Variants in CREM observed in about 807,000 individuals in gnomAD.
CREM encodes cAMP responsive element modulator, also known as cAMP-responsive element modulator.
CREM carries 13 observed loss-of-function variants against 37.3 expected under a neutral mutation model. That is an observed-to-expected ratio of 0.35 (90% CI 0.23 to 0.55). The LOEUF is 0.55. Ranked by LOEUF, CREM falls within the 20% of genes least tolerant of loss-of-function variation. CREM has a pLI of 0.88. For missense variants in CREM, 296 were observed against 362.3 expected (o/e 0.82, Z 1.49); for synonymous variants, 124 against 120.2 (o/e 1.03, Z -0.21).
chr10:35,135,524 T>G (rs1014360170), intron 1 of CREM: 1 of 151,486 alleles, frequency 6.6e-6, no homozygotes, highest in Non-Finnish European at 1.5e-5. Flanking sequence ...AAAAGAAAGT[T>G]GGTAGATTGG....
At chr10:35,137,301 T>C (rs558055311) in intron 1 of CREM, among the ~76,000 whole-genome samples, 1 of 152,346 alleles carries the variant, frequency 6.6e-6, no homozygotes, top group South Asian at 2.1e-4. Context: ...AGTTTAATTT[T>C]TTAACAAAAA....
chr10:35,141,886 A>G (rs1344939977), intron 2 of CREM, among the ~76,000 whole-genome samples: 1 of 152,210 alleles, frequency 6.6e-6, no homozygotes, highest in African/African-American at 2.4e-5. Flanking sequence ...TCAGATGAGA[A>G]GAGGAAAATG....
At chr10:35,209,442 T>A in intron 7 of CREM, 1 of 837,118 alleles carries the variant, frequency 1.2e-6, no homozygotes, top group Non-Finnish European at 1.4e-6. Context: ...GAGGAGTGCT[T>A]AGGAATGTAC....
chr10:35,172,059 T>C (rs1163020430), intron 3 of CREM, among the ~76,000 whole-genome samples: 1 of 152,220 alleles, frequency 6.6e-6, no homozygotes, highest in Non-Finnish European at 1.5e-5. Context: ...CTAAAGATCA[T>C]GTCCCAATTT....
intron 3 of CREM, chr10:35,175,644 T>C (rs1220930180): frequency 3.7e-6 from 6 of 1,610,572 alleles, no homozygotes; most frequent in Non-Finnish European, 5.1e-6. Context: ...AAGGAGCATG[T>C]GTTCCTTAAT....
intron 6 of CREM, among the ~76,000 whole-genome samples, chr10:35,197,460 ATTTATTTT>A (rs1225388677): frequency 9.3e-4 from 131 of 141,018 alleles, no homozygotes; most frequent in East Asian, 4.5e-3. Flanking sequence ...TTATTTATTT[ATTTATTTT>A]ATGAGACGGA....
chr10:35,190,931 G>T (rs916258382), intron 6 of CREM, among the ~76,000 whole-genome samples: 1 of 152,006 alleles, frequency 6.6e-6, no homozygotes, highest in African/African-American at 2.4e-5. Context: ...CGAAGTGCTG[G>T]GATTACAGGC....
chr10:35,152,006 G>GACT (rs1399670456), intron 3 of CREM, among the ~76,000 whole-genome samples: 1 of 152,162 alleles, frequency 6.6e-6, no homozygotes, highest in African/African-American at 2.4e-5. Flanking sequence ...TGCCAAAAGT[G>GACT]ACTGACTCTT....
At chr10:35,203,242 C>T (rs1055629663) in intron 6 of CREM, among the ~76,000 whole-genome samples, 1 of 151,948 alleles carries the variant, frequency 6.6e-6, no homozygotes. Flanking sequence ...GATCAGGTTT[C>T]TCCATGTTGC....
chr10:35,153,780 C>CA (rs2092732793), intron 3 of CREM, among the ~76,000 whole-genome samples: 1 of 152,114 alleles, frequency 6.6e-6, no homozygotes, highest in Non-Finnish European at 1.5e-5. Flanking sequence ...TGCTAGGAGT[C>CA]AAAAGGGGGG....
intron 6 of CREM, chr10:35,196,248 A>G (rs924482264): frequency 1.6e-6 from 1 of 615,920 alleles, no homozygotes; most frequent in Non-Finnish European, 2.8e-6. Context: ...TCTAGTGTTC[A>G]GTCAGGGAAG....
chr10:35,207,338 G>C (rs534617259), intron 7 of CREM, among the ~76,000 whole-genome samples: 5 of 152,140 alleles, frequency 3.3e-5, no homozygotes, highest in Admixed American at 2.6e-4. Context: ...AGGTTGCAGT[G>C]AGCCAAGATC....
chr10:35,195,897 G>T, intron 6 of CREM: 1 of 642,834 alleles, frequency 1.6e-6, no homozygotes, highest in South Asian at 1.9e-5. Flanking sequence ...GTTCCTTTCC[G>T]CTTTGTAAAA....
intron 1 of CREM, among the ~76,000 whole-genome samples, chr10:35,136,235 C>T (rs12355627): frequency 1.1e-3 from 166 of 152,232 alleles, no homozygotes; most frequent in Non-Finnish European, 1.6e-3. Flanking sequence ...CAGAAATTGG[C>T]CTTTTTTCTA....
intron 5 of CREM, 65 bp downstream of exon 5, chr10:35,179,341 C>A (rs779658770): frequency 3.9e-6 from 6 of 1,556,274 alleles, no homozygotes; most frequent in Non-Finnish European, 5.2e-6. Context: ...TATATTGAAG[C>A]AACTCAGGTT....
intron 5 of CREM, 78 bp from the exon 6 acceptor site, chr10:35,188,121 CA>C (rs2094732096): frequency 7.5e-7 from 1 of 1,337,614 alleles, no homozygotes; most frequent in African/African-American, 1.5e-5. Flanking sequence ...TAAATAGACC[CA>C]GAGTATATTC....
At chr10:35,145,030 G>T (rs541702483) in intron 2 of CREM, among the ~76,000 whole-genome samples, 3 of 151,682 alleles carry the variant, frequency 2.0e-5, no homozygotes, top group African/African-American at 7.3e-5. Flanking sequence ...GTGTGGTGGC[G>T]CGTGCCTGTA....
At chr10:35,174,072 C>T (rs1354300695) in intron 3 of CREM, among the ~76,000 whole-genome samples, 2 of 152,150 alleles carry the variant, frequency 1.3e-5, no homozygotes, top group African/African-American at 2.4e-5. Flanking sequence ...TTTCTTTTCC[C>T]TGGAATCTAA....
chr10:35,155,211 C>T lies in CREM; in HGVS notation c.168+6720C>T, dbSNP rs138050958. ...TTGTAATGATTATGAGGTTTGGATA[C>T]TCGTAGAAAATGTTCAAGTTCCCTT... On this transcript the variant is annotated intron_variant, in intron 3 of 7. Transcript: ENST00000685392. 7.9e-4 allele frequency among the ~76,000 whole-genome samples: 121 copies of T among 152,218 alleles called. 2 individuals are homozygous for T. The highest frequency in any genetic ancestry group is 2.7e-3 in the African/African-American group (113 of 41,564).
Sources: allele counts gnomAD v4.1 joint callset (sites outside exome capture counted in the v4.1 genomes callset), GRCh38; gene constraint gnomAD v4.1.1; transcripts MANE v1.5; gene names NCBI Gene and HGNC (gene_info 2026-07-23, HGNC 2026-07-21).